The following SRSF9 variants were observed in gnomAD, a reference collection of about 807,000 sequenced individuals.
The protein encoded by SRSF9 is serine and arginine rich splicing factor 9.
SRSF9 carries 3 observed loss-of-function variants against 25.9 expected under a neutral mutation model. That is an observed-to-expected ratio of 0.12 (90% CI 0.05 to 0.30). The LOEUF (loss-of-function observed/expected upper bound fraction) is 0.30, where lower values mean the gene tolerates loss of function less well. Among genes scored for constraint, SRSF9 ranks in the 10% least tolerant of loss-of-function variants. The pLI is 1.00. For synonymous variants in SRSF9, 114 were observed against 113.2 expected (o/e 1.01, Z -0.05); for missense variants, 161 against 303.5 (o/e 0.53, Z 3.49).
At chr12:120,463,779 A>G (rs963068555) in intron 3 of SRSF9, 171 bp downstream of exon 3, 3 of 659,342 alleles carry the variant, frequency 4.5e-6, no homozygotes, top group African/African-American at 3.6e-5. Context: ...TCTTTCAGCT[A>G]TGACCCTGAA....
At chr12:120,466,227 C>T (rs868306877) in intron 1 of SRSF9, among the ~76,000 whole-genome samples, 9 of 152,032 alleles carry the variant, frequency 5.9e-5, no homozygotes, top group African/African-American at 2.2e-4. Context: ...AAAAAGTAGG[C>T]GGTTAGCCAG....
chr12:120,463,619 C>T, intron 3 of SRSF9: 1 of 182,772 alleles, frequency 5.5e-6, no homozygotes, highest in Non-Finnish European at 1.1e-5. Flanking sequence ...AGGGATACTG[C>T]CATTTAAGCT....
In SRSF9 at chr12:120,461,940, C is replaced by T. The variant is rs1592989689; in HGVS notation, c.*79G>A. 2 of 1,349,526 alleles carry T rather than the reference C, an allele frequency of 1.5e-6. No individual in the cohort carries two copies. The highest frequency in any genetic ancestry group is 1.9e-6 in the Non-Finnish European group (2 of 1,032,772). 83.6% of individuals were successfully genotyped at this position (1,349,526 alleles called of 1,614,324 possible). ...AAAAAATTTCCTAAGACACTAAATC[C>T]TCAATCTGGAATGTAGATTCTGAGC... On this transcript the variant is annotated 3_prime_UTR_variant, in exon 4 of 4. Transcript: ENST00000229390.
At chr12:120,467,331 T>C (rs1878502190) in intron 1 of SRSF9, among the ~76,000 whole-genome samples, 1 of 152,062 alleles carries the variant, frequency 6.6e-6, no homozygotes, top group African/African-American at 2.4e-5. Context: ...AAACCCCTCG[T>C]CTCTACTAAA....
intron 1 of SRSF9, among the ~76,000 whole-genome samples, chr12:120,466,399 A>G (rs1878483380): frequency 6.6e-6 from 1 of 152,178 alleles, no homozygotes; most frequent in Non-Finnish European, 1.5e-5. Flanking sequence ...TTGAGGGTAA[A>G]TAAAGTAGCT....
chr12:120,467,670 G>A (rs548014659), intron 1 of SRSF9, among the ~76,000 whole-genome samples: 4 of 152,140 alleles, frequency 2.6e-5, no homozygotes, highest in African/African-American at 7.2e-5. Context: ...TACATGAAAT[G>A]CTTTGCTTGA....
At position 120,465,552 on chromosome 12, in the gene SRSF9, T is replaced by C. The variant is rs1272909374; in HGVS notation, c.349+75A>G. On this transcript the variant is annotated intron_variant, in intron 2 of 3. Coordinates refer to ENST00000229390, the MANE Select transcript of SRSF9 (RefSeq NM_003769.3). ...GTCCCATGCACTGAAGAATAACAGC[T>C]ATCATTTCTTGGAAGACAGACTCTG... 4.8e-6 allele frequency: 7 copies of C among 1,469,134 alleles called. No homozygotes were observed. The East Asian group carries it at 1.8e-4, about 38-fold the overall frequency. The allele number at this position is 1,469,134 out of a possible 1,614,324, so 91.0% of individuals were successfully genotyped here.
chr12:120,467,600 A>G (rs1878510486), intron 1 of SRSF9, among the ~76,000 whole-genome samples: 1 of 152,172 alleles, frequency 6.6e-6, no homozygotes, highest in Non-Finnish European at 1.5e-5. Flanking sequence ...AAGTTTTTAC[A>G]TCTCTAATGT....
intron 1 of SRSF9, among the ~76,000 whole-genome samples, chr12:120,467,813 G>A (rs919752493): frequency 7.4e-5 from 11 of 149,372 alleles, no homozygotes; most frequent in South Asian, 2.1e-4. Flanking sequence ...CATTGATCCC[G>A]GCCTGGCGTG....
Position 120,465,702 on chromosome 12 carries a change from C to A in SRSF9, c.274G>T (p.Gly92Cys). The A allele has an allele frequency of 6.2e-7, 1 of 1,604,950 alleles. No individual in the cohort carries two copies. The highest frequency in any genetic ancestry group is 8.5e-7 in the Non-Finnish European group (1 of 1,177,134). The change falls in exon 2 of 4, where the codon GGT becomes TGT. Residue 92 changes from glycine (G) to cysteine (C), a missense_variant. Gly to Cys is a radical substitution (Grantham distance 159, BLOSUM62 -3). Coordinates refer to ENST00000229390, the MANE Select transcript of SRSF9 (RefSeq NM_003769.3). The stretch of plus-strand genomic sequence containing the variant: ...CCACCACGGGGCCACCCACCCCGAC[C>A]TCCATAAGTCCTGGGGAACTCCACA... ...LRVEFPRTYG[G>C]RGGWPRGGRN...
chr12:120,469,367 G>A, intron 1 of SRSF9, 55 bp downstream of exon 1: 1 of 1,448,256 alleles, frequency 6.9e-7, no homozygotes, highest in Non-Finnish European at 9.3e-7. Context: ...GGACAGCAGG[G>A]AAGGCGGGGG....
At position 120,469,666 on chromosome 12, in the gene SRSF9, C is replaced by T; in HGVS notation, c.-57G>A. 8.9e-7 allele frequency: 1 copy of T among 1,121,572 alleles called. No homozygotes were observed. The highest frequency in any genetic ancestry group is 1.1e-6 in the Non-Finnish European group (1 of 892,960). The allele number at this position is 1,121,572 out of a possible 1,614,324, so 69.5% of individuals were successfully genotyped here. On this transcript the variant is annotated 5_prime_UTR_variant, in exon 1 of 4. Transcript: ENST00000229390. Reference sequence around the variant, plus strand: ...GCCCACGTCGCCGCCGCCGCCTCAGCACGGGTCCCCCCGCAGCGTCCCCGC... The same window carrying T: ...GCCCACGTCGCCGCCGCCGCCTCAGTACGGGTCCCCCCGCAGCGTCCCCGC...
chr12:120,464,148 CCACATCCTT>C (rs770821179), intron 2 of SRSF9, 26 bp from the exon 3 acceptor site: 1 of 1,601,114 alleles, frequency 6.2e-7, no homozygotes, highest in South Asian at 1.1e-5. Flanking sequence ...ATAAGAAAGC[CCACATCCTT>C]CAGCTATGTT....
chr12:120,467,753 G>C (rs866992871), intron 1 of SRSF9, among the ~76,000 whole-genome samples: 1 of 151,258 alleles, frequency 6.6e-6, no homozygotes, highest in Non-Finnish European at 1.5e-5. Flanking sequence ...ACAATGTAGC[G>C]TATCATATAG....
At position 120,466,093 on chromosome 12, in the gene SRSF9, T is replaced by A. The variant is rs117802907; in HGVS notation, c.189-306A>T. ...AAAAGAATCAACTGCTGACAGATTATTGATTTTGCCAATAAACCATCAGTG... is the reference window on the plus strand; with the variant it reads ...AAAAGAATCAACTGCTGACAGATTAATGATTTTGCCAATAAACCATCAGTG... On this transcript the variant is annotated intron_variant, in intron 1 of 3. Transcript: ENST00000229390. Among the ~76,000 whole-genome samples, 72 of 152,388 alleles carry A rather than the reference T, an allele frequency of 4.7e-4. No homozygotes were observed. In the East Asian group the frequency reaches 0.013, roughly 27 times the overall value.
chr12:120,462,144 G>T lies in SRSF9; in HGVS notation c.541C>A (p.Arg181=), dbSNP rs749288623. ...CTGGTGCTTCTCTCAGGATAAACTC[G>T]GATGTAGGAAGTTTCACCCTGAAAT... is the stretch of plus-strand genomic sequence containing the variant. ...RSHEGETSYI[R]VYPERSTSYG... is the part of the protein sequence containing the mutation. The change falls in exon 4 of 4, where the codon CGA becomes AGA. Residue 181 remains arginine (R), a synonymous_variant. Transcript: ENST00000229390. 6 of 1,611,418 alleles carry T rather than the reference G, an allele frequency of 3.7e-6. No individual in the cohort carries two copies. In the South Asian group the frequency reaches 5.5e-5, roughly 15 times the overall value.
intron 1 of SRSF9, among the ~76,000 whole-genome samples, chr12:120,467,219 A>G (rs1038858559): frequency 2.0e-5 from 3 of 152,172 alleles, no homozygotes; most frequent in Non-Finnish European, 2.9e-5. Context: ...AAAACTGGCC[A>G]GCATTCAGGC....
chr12:120,465,809 A>AC (rs763299775), intron 1 of SRSF9, 22 bp from the exon 2 acceptor site: 1 of 1,566,586 alleles, frequency 6.4e-7, no homozygotes, highest in Non-Finnish European at 8.6e-7. Flanking sequence ...AACAACAACA[A>AC]AAAAAACGTT....
intron 3 of SRSF9, 60 bp from the exon 4 acceptor site, chr12:120,462,222 A>T: frequency 4.6e-6 from 7 of 1,531,166 alleles, no homozygotes; most frequent in Non-Finnish European, 6.2e-6. Context: ...CAGAAGAATA[A>T]GCAAACCAAC....
Sources: allele counts gnomAD v4.1 joint callset (sites outside exome capture counted in the v4.1 genomes callset), GRCh38; gene constraint gnomAD v4.1.1; transcripts MANE v1.5; gene names NCBI Gene and HGNC (gene_info 2026-07-23, HGNC 2026-07-21).